Variants in HDAC11 observed in about 807,000 individuals in gnomAD.
HDAC11 encodes the protein histone deacetylase 11.
A neutral mutation model predicts 41.1 loss-of-function variants in HDAC11; 23 were observed. The observed-to-expected ratio is 0.56, with a 90% CI of 0.40 to 0.79. The LOEUF (loss-of-function observed/expected upper bound fraction) is 0.79, where lower values mean the gene tolerates loss of function less well. Among genes scored for constraint, HDAC11 ranks in the 30% least tolerant of loss-of-function variants. The probability of loss-of-function intolerance (pLI) is 0.00; values close to 1 mark genes in which losing one functional copy is unlikely to be tolerated. For synonymous variants in HDAC11, 187 were observed against 186.6 expected (o/e 1.00, Z -0.02); for missense variants, 402 against 477.3 (o/e 0.84, Z 1.47).
At chr3:13,504,376 CAGCAGTTTGG>C in intron 9 of HDAC11, 82 bp from the exon 10 acceptor site, 1 of 1,584,800 alleles carries the variant, frequency 6.3e-7, no homozygotes, top group Non-Finnish European at 8.6e-7. Flanking sequence ...ACTGAAGCAA[CAGCAGTTTGG>C]AGCAGGGCTA....
intron 3 of HDAC11, among the ~76,000 whole-genome samples, chr3:13,491,106 G>GTGTGTGTGTGTGTGTC (rs57437415): frequency 1.4e-5 from 2 of 145,588 alleles, no homozygotes; most frequent in African/African-American, 5.4e-5. Context: ...GTGTGTGTGT[G>GTGTGTGTGTGTGTGTC]TGTGTGTATT....
chr3:13,496,269 G>A (rs948143544), intron 3 of HDAC11, among the ~76,000 whole-genome samples: 2 of 152,232 alleles, frequency 1.3e-5, no homozygotes, highest in Non-Finnish European at 2.9e-5. Flanking sequence ...GTGCGAGGGA[G>A]CCAGAGGCCA....
At chr3:13,487,531 G>T (rs981138235) in intron 3 of HDAC11, among the ~76,000 whole-genome samples, 3 of 152,016 alleles carry the variant, frequency 2.0e-5, no homozygotes, top group African/African-American at 4.8e-5. Context: ...CTCCTGCTGT[G>T]TGCAAGGTCC....
At chr3:13,500,582 C>G in intron 5 of HDAC11, 131 bp from the exon 6 acceptor site, 1 of 733,990 alleles carries the variant, frequency 1.4e-6, no homozygotes, top group Non-Finnish European at 2.3e-6. Context: ...AGTTTGCCAA[C>G]CCAGAGTCCG....
intron 3 of HDAC11, among the ~76,000 whole-genome samples, chr3:13,495,441 C>T (rs1702051280): frequency 1.3e-5 from 2 of 152,128 alleles, no homozygotes. Context: ...AGTGCCATTA[C>T]CCTCACAGGC....
chr3:13,491,803 A>G (rs1287545299), intron 3 of HDAC11, among the ~76,000 whole-genome samples: 2 of 152,248 alleles, frequency 1.3e-5, no homozygotes, highest in Non-Finnish European at 2.9e-5. Flanking sequence ...AGTCTGGGGC[A>G]GACCTCCCAT....
Position 13,500,771 on chromosome 3 carries a change from C to G in HDAC11, c.471C>G (p.Asp157Glu). Residue 157 changes from aspartate to glutamate, a missense_variant, in exon 6 of 10, where the codon GAC (aspartate) becomes GAG (glutamate). By Grantham distance (45) the Asp-to-Glu change is conservative (BLOSUM62 2). Transcript: ENST00000295757. Reference sequence around the variant, plus strand: ...GCGGGGGCTTCTGTGCCTATGCGGACATCACGCTCGCCATCAAGGTGTGTC... The same window carrying G: ...GCGGGGGCTTCTGTGCCTATGCGGAGATCACGCTCGCCATCAAGGTGTGTC... ...DRGGGFCAYADITLAIKFLFE... is the reference protein window; with the variant it reads ...DRGGGFCAYAEITLAIKFLFE... The G allele has an allele frequency of 6.3e-7, 1 of 1,578,264 alleles. No homozygotes were observed. The highest frequency in any genetic ancestry group is 8.6e-7 in the Non-Finnish European group (1 of 1,160,536).
At position 13,481,361 on chromosome 3, in the gene HDAC11, G is replaced by A. The variant is rs371225802; in HGVS notation, c.118G>A (p.Gly40Arg). The A allele has an allele frequency of 1.2e-6, 2 of 1,614,054 alleles. No homozygotes were observed. The highest frequency in any genetic ancestry group is 8.5e-7 in the Non-Finnish European group (1 of 1,180,016). ...GGAGAAGCTGCATCCCTTTGATGCC[G>A]GAAAATGGGGCAAAGTGATCAATTT... ...GLEKLHPFDA[G>R]KWGKVINFLK... Residue 40 changes from glycine to arginine, a missense_variant, in exon 2 of 10, where the codon GGA becomes AGA. Gly to Arg is a moderately radical substitution (Grantham distance 125, BLOSUM62 -2). Coordinates refer to ENST00000295757, the MANE Select transcript of HDAC11 (RefSeq NM_024827.4).
At chr3:13,496,655 G>A (rs1359292841) in intron 3 of HDAC11, 81 bp from the exon 4 acceptor site, 1 of 846,786 alleles carries the variant, frequency 1.2e-6, no homozygotes, top group African/African-American at 1.7e-5. Context: ...TGTCCTCAAG[G>A]CATTTCCCGG....
intron 4 of HDAC11, among the ~76,000 whole-genome samples, chr3:13,497,057 T>C (rs1186744854): frequency 2.0e-5 from 3 of 152,214 alleles, no homozygotes; most frequent in Non-Finnish European, 4.4e-5. Flanking sequence ...CATCGTTCCT[T>C]CTCCTATGAC....
At chr3:13,497,972 C>T (rs1341263788) in intron 4 of HDAC11, among the ~76,000 whole-genome samples, 1 of 150,586 alleles carries the variant, frequency 6.6e-6, no homozygotes, top group Non-Finnish European at 1.5e-5. Flanking sequence ...TCTCCTGCCT[C>T]AGCCTCCCGA....
chr3:13,481,530 C>A, intron 2 of HDAC11, 136 bp downstream of exon 2: 1 of 959,074 alleles, frequency 1.0e-6, no homozygotes, highest in Non-Finnish European at 1.6e-6. Context: ...CCCATGCTTC[C>A]GCCCAAAATG....
At chr3:13,491,177 A>G (rs1701846382) in intron 3 of HDAC11, among the ~76,000 whole-genome samples, 1 of 150,164 alleles carries the variant, frequency 6.7e-6, no homozygotes, top group Non-Finnish European at 1.5e-5. Flanking sequence ...TTCCTTTCCA[A>G]TTTGGATGGC....
At chr3:13,491,882 C>A (rs73140254) in intron 3 of HDAC11, among the ~76,000 whole-genome samples, 13,463 of 152,324 alleles carry the variant, frequency 0.088, 766 homozygotes, top group East Asian at 0.22. Context: ...GGCTCTTAAA[C>A]CCCAGCAAGT....
intron 4 of HDAC11, 95 bp downstream of exon 4, chr3:13,496,947 G>T: frequency 1.7e-6 from 1 of 575,576 alleles, no homozygotes. Context: ...CTCCCACTTA[G>T]TAGTTGAACA....
At chr3:13,503,233 A>AT (rs1302030466) in intron 8 of HDAC11, 1 of 332,306 alleles carries the variant, frequency 3.0e-6, no homozygotes, top group African/African-American at 2.1e-5. Context: ...AAGAAAAAAA[A>AT]GAAAAATAGG....
intron 3 of HDAC11, among the ~76,000 whole-genome samples, chr3:13,493,930 AGT>A (rs993923997): frequency 1.3e-5 from 2 of 152,184 alleles, no homozygotes; most frequent in Non-Finnish European, 2.9e-5. Flanking sequence ...GCAGAAGGTT[AGT>A]GTGTGTGACT....
Position 13,480,650 on chromosome 3 carries a change from G to A in HDAC11, c.2+301G>A, listed in dbSNP as rs926042071. The A allele has an allele frequency of 7.3e-6, 3 of 409,944 alleles. No individual in the cohort carries two copies. The highest frequency in any genetic ancestry group is 1.5e-5 in the Non-Finnish European group (3 of 202,356). 25.4% of individuals were successfully genotyped at this position (409,944 alleles called of 1,614,324 possible). On this transcript the variant is annotated intron_variant, in intron 1 of 9. Transcript: ENST00000295757. The surrounding 1 kb of genome is among the most constrained non-coding windows in gnomAD (Gnocchi z 4.6). ...CGCTGCCCAGCCCCCTGGCTACGCG[G>A]ACGCCCCCACGGAGGCAGCCACTGG...
rs1235409168 is a variant in HDAC11 at position 13,504,785 on chromosome 3, G to A, written c.*102G>A. ...GTGGAGGCAGCCTTCAGTGAGCATG[G>A]AGGGGCAGGGCCATCCCTGGCTGGG... On this transcript the variant is annotated 3_prime_UTR_variant, in exon 10 of 10. Transcript: ENST00000295757. The A allele has an allele frequency of 9.8e-7, 1 of 1,019,280 alleles. No individual in the cohort carries two copies. The highest frequency in any genetic ancestry group is 1.5e-6 in the Non-Finnish European group (1 of 679,118). The allele number at this position is 1,019,280 out of a possible 1,614,324, so 63.1% of individuals were successfully genotyped here.
Sources: allele counts gnomAD v4.1 joint callset (sites outside exome capture counted in the v4.1 genomes callset), GRCh38; gene constraint gnomAD v4.1.1; non-coding constraint Gnocchi (gnomAD v3.1); transcripts MANE v1.5; gene names NCBI Gene and HGNC (gene_info 2026-07-23, HGNC 2026-07-21).